The following MALRD1 variants were observed in gnomAD, a reference collection of about 807,000 sequenced individuals.
MALRD1 encodes MAM and LDL receptor class A domain containing 1.
Under a neutral mutation model 242.1 loss-of-function variants are expected in MALRD1, and 247 were observed. The observed-to-expected ratio is 1.02, with a 90% confidence interval of 0.92 to 1.13. The LOEUF (loss-of-function observed/expected upper bound fraction) is 1.13, where lower values mean the gene tolerates loss of function less well. Ranked by LOEUF, MALRD1 falls within the 50% of genes most tolerant of loss-of-function variation. The pLI, the probability that MALRD1 is intolerant of heterozygous loss-of-function variation, is 0.00. For synonymous variants in MALRD1, 995 were observed against 866.6 expected (o/e 1.15, Z -2.60); for missense variants, 2,989 against 2,533.1 (o/e 1.18, Z -3.86).
At chr10:19,508,196 T>C (rs1833229243) in intron 31 of MALRD1, among the ~76,000 whole-genome samples, 1 of 152,200 alleles carries the variant, frequency 6.6e-6, no homozygotes, top group Non-Finnish European at 1.5e-5. Flanking sequence ...TTTTTACTTT[T>C]TCAAAGAGTT....
intron 12 of MALRD1, among the ~76,000 whole-genome samples, chr10:19,159,655 A>G (rs4320861): frequency 0.17 from 25,788 of 151,876 alleles, 2,824 homozygotes; most frequent in Admixed American, 0.25. Context: ...AAAGAAAGAA[A>G]GAAAACAGAA....
In MALRD1 at chr10:19,331,551, T is replaced by C; in HGVS notation, c.3870T>C (p.Ala1290=). The change falls in exon 24 of 40, where the codon GCT becomes GCC. Residue 1290 remains alanine (A), a synonymous_variant. Coordinates refer to ENST00000454679, the MANE Select transcript of MALRD1 (RefSeq NM_001142308.3). ...DKLCDFVNDC[A]DNSDETTFIC... ...TGTGTGATTTTGTGAATGATTGTGC[T>C]GATAATTCAGATGAGACTACTTTCA... 6.5e-7 allele frequency: 1 copy of C among 1,550,294 alleles called. No individual in the cohort carries two copies. The highest frequency in any genetic ancestry group is 8.7e-7 in the Non-Finnish European group (1 of 1,146,778).
At chr10:19,265,702 A>G (rs1839944973) in intron 19 of MALRD1, among the ~76,000 whole-genome samples, 1 of 152,184 alleles carries the variant, frequency 6.6e-6, no homozygotes, top group Admixed American at 6.5e-5. Context: ...CTGCTGTTGA[A>G]TGAAATGTTT....
chr10:19,088,428 G>T (rs1273907774), intron 4 of MALRD1, among the ~76,000 whole-genome samples: 3 of 151,480 alleles, frequency 2.0e-5, no homozygotes, highest in Non-Finnish European at 4.4e-5. Context: ...GTATTTTAAG[G>T]CATACTAATA....
intron 8 of MALRD1, among the ~76,000 whole-genome samples, chr10:19,131,840 G>C (rs1487230682): frequency 6.6e-6 from 1 of 152,170 alleles, no homozygotes; most frequent in South Asian, 2.1e-4. Flanking sequence ...TAAGATAAAA[G>C]TAGAACATCA....
intron 33 of MALRD1, among the ~76,000 whole-genome samples, chr10:19,568,920 C>T (rs1030593685): frequency 4.6e-5 from 7 of 152,038 alleles, no homozygotes; most frequent in African/African-American, 1.7e-4. Context: ...ATTTATTTAT[C>T]GGCACACCTC....
chr10:19,342,370 T>C (rs940123631), intron 24 of MALRD1, among the ~76,000 whole-genome samples: 2 of 152,146 alleles, frequency 1.3e-5, no homozygotes, highest in Non-Finnish European at 2.9e-5. Context: ...GATTTCCTTT[T>C]CATTTGTTTA....
chr10:19,523,627 A>T (rs1361485478), intron 31 of MALRD1, among the ~76,000 whole-genome samples: 1 of 152,208 alleles, frequency 6.6e-6, no homozygotes, highest in Non-Finnish European at 1.5e-5. Flanking sequence ...GAATATGAGG[A>T]TGCAGAGATT....
intron 31 of MALRD1, among the ~76,000 whole-genome samples, chr10:19,506,952 G>C (rs531300541): frequency 6.6e-6 from 1 of 152,218 alleles, no homozygotes; most frequent in African/African-American, 2.4e-5. Context: ...AGCCTTTACA[G>C]GAAGAATAGT....
chr10:19,588,701 G>T (rs1310426354), intron 33 of MALRD1, among the ~76,000 whole-genome samples: 1 of 152,160 alleles, frequency 6.6e-6, no homozygotes, highest in Non-Finnish European at 1.5e-5. Flanking sequence ...GGAATGCAAT[G>T]GCGCAACCTC....
chr10:19,630,959 C>A lies in MALRD1; in HGVS notation c.6137+15036C>A, dbSNP rs180941279. On this transcript the variant is annotated intron_variant, in intron 36 of 39. Coordinates refer to ENST00000454679, the MANE Select transcript of MALRD1 (RefSeq NM_001142308.3). ...TGATGTACAAGGGAAGGAAGACTGG[C>A]CTTGGAATTAAAAGACCTGTCTTGA... Among the ~76,000 whole-genome samples the A allele has an allele frequency of 3.2e-3, 484 of 152,116 alleles. 2 individuals are homozygous for A. Among genetic ancestry groups the A allele is most frequent in the African/African-American group, 0.011 (460 of 41,494 alleles).
intron 31 of MALRD1, among the ~76,000 whole-genome samples, chr10:19,503,031 A>T (rs764265098): frequency 1.7e-4 from 26 of 152,186 alleles, no homozygotes; most frequent in Admixed American, 9.8e-4. Flanking sequence ...AATGTTATAT[A>T]CAAGCAATGT....
At chr10:19,482,277 GA>G (rs1312236523) in intron 29 of MALRD1, among the ~76,000 whole-genome samples, 12 of 151,748 alleles carry the variant, frequency 7.9e-5, no homozygotes, top group Non-Finnish European at 1.3e-4. Context: ...AAAAACTTTT[GA>G]AACATGCCTA....
chr10:19,557,789 G>T (rs540966996), intron 32 of MALRD1, among the ~76,000 whole-genome samples: 1 of 152,170 alleles, frequency 6.6e-6, no homozygotes, highest in South Asian at 2.1e-4. Context: ...TTCCAAGTGA[G>T]CCTCTCAGTA....
chr10:19,481,313 C>G lies in MALRD1; in HGVS notation c.5030-10204C>G, dbSNP rs2131178391. On this transcript the variant is annotated intron_variant, in intron 29 of 39. Coordinates refer to ENST00000454679, the MANE Select transcript of MALRD1 (RefSeq NM_001142308.3). ...TTTCAGACGTGTTGCTATTAATTGCCTGATATGTGCATTGACCTTTAAACC... is the reference window on the plus strand; with the variant it reads ...TTTCAGACGTGTTGCTATTAATTGCGTGATATGTGCATTGACCTTTAAACC... 2.0e-5 allele frequency among the ~76,000 whole-genome samples: 3 copies of G among 152,256 alleles called. 1 individual carries two copies. The highest frequency in any genetic ancestry group is 2.0e-4 in the Admixed American group (3 of 15,286).
At chr10:19,519,592 GACCCTGTTGCT>G (rs1389839604) in intron 31 of MALRD1, among the ~76,000 whole-genome samples, 1 of 152,010 alleles carries the variant, frequency 6.6e-6, no homozygotes, top group Non-Finnish European at 1.5e-5. Context: ...GACATAGTGA[GACCCTGTTGCT>G]ACAATTTTTT....
intron 12 of MALRD1, among the ~76,000 whole-genome samples, chr10:19,162,673 C>A (rs909388109): frequency 6.6e-6 from 1 of 152,010 alleles, no homozygotes; most frequent in Non-Finnish European, 1.5e-5. Context: ...AACATGCCGG[C>A]AAGGTTGTGG....
At chr10:19,643,891 AG>A (rs2131684955) in intron 36 of MALRD1, among the ~76,000 whole-genome samples, 1 of 152,230 alleles carries the variant, frequency 6.6e-6, no homozygotes, top group East Asian at 1.9e-4. Flanking sequence ...GCACTGGCAA[AG>A]GTCAGAGGGT....
At chr10:19,181,009 T>C (rs986248430) in intron 14 of MALRD1, among the ~76,000 whole-genome samples, 3 of 151,962 alleles carry the variant, frequency 2.0e-5, no homozygotes, top group Non-Finnish European at 4.4e-5. Flanking sequence ...AATCCAAAAC[T>C]CTTTTAGATA....
Sources: allele counts gnomAD v4.1 joint callset (sites outside exome capture counted in the v4.1 genomes callset), GRCh38; gene constraint gnomAD v4.1.1; transcripts MANE v1.5; gene names NCBI Gene and HGNC (gene_info 2026-07-23, HGNC 2026-07-21).